SUMF2: variants seen among roughly 807,000 people sequenced by gnomAD.
SUMF2 encodes inactive C-alpha-formylglycine-generating enzyme 2.
SUMF2 carries 45 observed loss-of-function variants against 44.8 expected under a neutral mutation model. That is an observed-to-expected ratio of 1.00 (90% CI 0.79 to 1.29). SUMF2 has a LOEUF of 1.29. Among genes scored for constraint, SUMF2 ranks in the 50% most tolerant of loss-of-function variants. SUMF2 has a pLI of 0.00. For synonymous variants in SUMF2, 148 were observed against 150.4 expected (o/e 0.98, Z 0.12); for missense variants, 418 against 389.9 (o/e 1.07, Z -0.61).
chr7:56,074,175 C>T lies in SUMF2; in HGVS notation c.341C>T (p.Ser114Phe). Residue 114 changes from serine (S) to phenylalanine (F), a missense_variant and splice_region_variant, in exon 4 of 9, where the codon TCT becomes TTT. Physicochemically the swap from Ser to Phe is radical, Grantham distance 155. Transcript: ENST00000434526. Reference protein sequence around the residue: ...LRNKATQPMKSVLWWLPVEKA... With the variant: ...LRNKATQPMKFVLWWLPVEKA... The stretch of plus-strand genomic sequence containing the variant: ...AGTCGGTCTCCTTCTTTTTCGCAGT[C>T]TGTACTCTGGTGGCTTCCAGTGGAA... 1 of 1,614,050 alleles carries T rather than the reference C, an allele frequency of 6.2e-7. No individual in the cohort carries two copies. The highest frequency in any genetic ancestry group is 8.5e-7 in the Non-Finnish European group (1 of 1,180,018).
downstream of SUMF2, chr7:56,083,180 A>C: frequency 2.0e-6 from 2 of 1,010,288 alleles, no homozygotes; most frequent in Non-Finnish European, 2.9e-6. Context: ...ATTCCAGGGA[A>C]CAATTAAGTT....
chr7:56,074,122 G>C, intron 3 of SUMF2, 52 bp from the exon 4 acceptor site: 1 of 1,579,252 alleles, frequency 6.3e-7, no homozygotes, highest in Non-Finnish European at 8.7e-7. Context: ...AGTCGGGGAG[G>C]TGCCTTTGCT....
Position 56,080,016 on chromosome 7 carries a change from T to A in SUMF2, c.*404T>A. The A allele has an allele frequency of 1.3e-6, 1 of 795,502 alleles. No homozygotes were observed. Among genetic ancestry groups the A allele is most frequent in the Non-Finnish European group, 2.0e-6 (1 of 510,556 alleles). The allele number at this position is 795,502 out of a possible 1,614,324, so 49.3% of individuals were successfully genotyped here. A position where few individuals can be genotyped will look rare whatever the true frequency, so the allele number is the denominator to read the frequency against. ...TTCCTCAAGGCAGAATTTTCCTGGTTCTGTTTTCTCAGCCAGTTGCTGTGG... is the reference window on the plus strand; with the variant it reads ...TTCCTCAAGGCAGAATTTTCCTGGTACTGTTTTCTCAGCCAGTTGCTGTGG... On this transcript the variant is annotated 3_prime_UTR_variant, in exon 9 of 9. Transcript: ENST00000434526.
chr7:56,077,895 C>T (rs1795667361), intron 6 of SUMF2, among the ~76,000 whole-genome samples: 1 of 151,848 alleles, frequency 6.6e-6, no homozygotes, highest in Admixed American at 6.6e-5. Flanking sequence ...ACAGGGGAAA[C>T]ACTCTTCCTA....
At chr7:56,075,085 A>G (rs1795449739) in intron 5 of SUMF2, among the ~76,000 whole-genome samples, 1 of 151,652 alleles carries the variant, frequency 6.6e-6, no homozygotes, top group Non-Finnish European at 1.5e-5. Flanking sequence ...GTGACAGAAC[A>G]AGACCCTGTC....
At chr7:56,073,306 CT>C in intron 3 of SUMF2, 195 bp downstream of exon 3, 1 of 646,020 alleles carries the variant, frequency 1.5e-6, no homozygotes, top group Non-Finnish European at 2.9e-6. Context: ...CCCAAGTTAG[CT>C]CTTGCCTAAA....
intron 2 of SUMF2, among the ~76,000 whole-genome samples, chr7:56,070,615 G>A (rs1017262458): frequency 1.3e-5 from 2 of 149,772 alleles, no homozygotes; most frequent in Non-Finnish European, 3.0e-5. Context: ...GGGCAACAGA[G>A]AGACATCCTT....
chr7:56,068,767 A>T, intron 2 of SUMF2, 129 bp downstream of exon 2: 4 of 1,087,636 alleles, frequency 3.7e-6, no homozygotes. Flanking sequence ...GCAGTGGCGC[A>T]ATCTCGCTCA....
At position 56,079,936 on chromosome 7, in the gene SUMF2, T is replaced by G; in HGVS notation, c.*324T>G. The G allele has an allele frequency of 7.5e-7, 1 of 1,337,610 alleles. No individual in the cohort carries two copies. The highest frequency in any genetic ancestry group is 1.0e-6 in the Non-Finnish European group (1 of 992,142). 82.9% of individuals were successfully genotyped at this position (1,337,610 alleles called of 1,614,324 possible). A position where few individuals can be genotyped will look rare whatever the true frequency, so the allele number is the denominator to read the frequency against. ...TCTGAAAGGCCATTTTTTAAGCATT[T>G]TAAAATCTATTCTCTCCCCCTTTCT... On this transcript the variant is annotated 3_prime_UTR_variant, in exon 9 of 9. Coordinates refer to ENST00000434526, the MANE Select transcript of SUMF2 (RefSeq NM_015411.4).
chr7:56,087,918 G>A, the SUMF2 span: 1 of 629,312 alleles, frequency 1.6e-6, no homozygotes, highest in Non-Finnish European at 2.7e-6. Context: ...GGAAATGGTG[G>A]ATGAATAAAT....
At chr7:56,069,672 G>T (rs1297296325) in intron 2 of SUMF2, among the ~76,000 whole-genome samples, 1 of 151,874 alleles carries the variant, frequency 6.6e-6, no homozygotes, top group Non-Finnish European at 1.5e-5. Flanking sequence ...TATGATCTCA[G>T]CTCGCTGCAG....
At chr7:56,081,821 C>A, downstream of SUMF2, 3 of 1,608,814 alleles carry the variant, frequency 1.9e-6, no homozygotes, top group Non-Finnish European at 2.5e-6. This position sits in a 1 kb window ranked among gnomAD's most constrained non-coding sequence, Gnocchi z 4.6. Flanking sequence ...TCAGGAAAGG[C>A]AGGGCCTCCC....
chr7:56,076,144 A>G (rs1293980631), intron 5 of SUMF2, among the ~76,000 whole-genome samples: 1 of 151,684 alleles, frequency 6.6e-6, no homozygotes, highest in Non-Finnish European at 1.5e-5. Flanking sequence ...CTCCTGCCTC[A>G]GCCTCCCAAG....
At chr7:56,078,966 A>G in intron 8 of SUMF2, 2 of 610,830 alleles carry the variant, frequency 3.3e-6, no homozygotes, top group South Asian at 1.9e-5. Context: ...GCACAGTCTC[A>G]GCTCACTACA....
At chr7:56,077,284 G>A (rs1584600689) in intron 6 of SUMF2, among the ~76,000 whole-genome samples, 2 of 150,138 alleles carry the variant, frequency 1.3e-5, no homozygotes, top group African/African-American at 4.8e-5. Flanking sequence ...CCTGACCTCA[G>A]GTGATCCACC....
At chr7:56,081,831 C>G, downstream of SUMF2, 5 of 1,609,012 alleles carry the variant, frequency 3.1e-6, no homozygotes, top group South Asian at 5.5e-5. The surrounding 1 kb of genome is among the most constrained non-coding windows in gnomAD (Gnocchi z 4.6). Flanking sequence ...CAGGGCCTCC[C>G]CGGGCAGGGG....
At chr7:56,077,497 A>G (rs1295413710) in intron 6 of SUMF2, among the ~76,000 whole-genome samples, 1 of 151,222 alleles carries the variant, frequency 6.6e-6, no homozygotes, top group Admixed American at 6.6e-5. Flanking sequence ...CCCTGCTTCT[A>G]CAAAAAATAA....
In SUMF2 at chr7:56,078,940, A is replaced by C. The variant is rs1443057464; in HGVS notation, c.821+432A>C. 6 of 529,592 alleles carry C rather than the reference A, an allele frequency of 1.1e-5. No homozygotes were observed. In the East Asian group the frequency reaches 1.9e-4, roughly 16 times the overall value. 32.8% of individuals were successfully genotyped at this position (529,592 alleles called of 1,614,324 possible). A position where few individuals can be genotyped will look rare whatever the true frequency, so the allele number is the denominator to read the frequency against. On this transcript the variant is annotated intron_variant, in intron 8 of 8. Coordinates refer to ENST00000434526, the MANE Select transcript of SUMF2 (RefSeq NM_015411.4). ...GAGACAGAGTCTTGCTCTGTTGTCC[A>C]GGCTGGAGTGCAGTGGCACAGTCTC...
intron 2 of SUMF2, among the ~76,000 whole-genome samples, chr7:56,072,704 C>G (rs190258587): frequency 6.6e-6 from 1 of 152,130 alleles, no homozygotes; most frequent in Non-Finnish European, 1.5e-5. Context: ...GCCTGGGCGA[C>G]AGAGTGAGAC....
Sources: gnomAD v4.1 joint callset for allele counts (sites outside exome capture counted in the v4.1 genomes callset) on GRCh38, gnomAD v4.1.1 for gene constraint, Gnocchi (gnomAD v3.1) non-coding constraint, MANE v1.5 for transcripts, NCBI Gene and HGNC (gene_info 2026-07-23, HGNC 2026-07-21) for gene names.